CLDN14: variants seen among roughly 807,000 people sequenced by gnomAD.
The protein encoded by CLDN14 is claudin 14.
Under a neutral mutation model 2.1 loss-of-function variants are expected in CLDN14, and 2 were observed. The observed-to-expected ratio is 0.96, with a 90% CI of 0.39 to 3.01. The LOEUF (loss-of-function observed/expected upper bound fraction) is 3.01. CLDN14 is among the 30% of genes most tolerant of loss of function. The probability of loss-of-function intolerance (pLI) is 0.09; values close to 1 mark genes in which losing one functional copy is unlikely to be tolerated. For missense variants in CLDN14, 298 were observed against 328.0 expected, an observed-to-expected ratio of 0.91 and a Z score of 0.71; for synonymous variants, 136 against 154.4, an observed-to-expected ratio of 0.88 and a Z score of 0.88.
At chr21:36,476,970 G>C (rs1204789474) in intron 1 of CLDN14, among the ~76,000 whole-genome samples, 1 of 152,246 alleles carries the variant, frequency 6.6e-6, no homozygotes, top group African/African-American at 2.4e-5. Flanking sequence ...GTGTGGCTTA[G>C]CCTTTAGACA....
At position 36,498,538 on chromosome 21, in the gene CLDN14, T is replaced by C. The variant is rs1601612585; in HGVS notation, c.-82+11825A>G. On this transcript the variant is annotated intron_variant, in intron 2 of 2. Coordinates refer to the CLDN14 transcript ENST00000342108. The surrounding 1 kb of genome is among the most constrained non-coding windows in gnomAD (Gnocchi z 4.9). Reference sequence around the variant, plus strand: ...GATTTCCAGTCTCAGATTGGATACATGCACTTAATATCAGCAGACTTGTTG... The same window carrying C: ...GATTTCCAGTCTCAGATTGGATACACGCACTTAATATCAGCAGACTTGTTG... 6.6e-6 allele frequency among the ~76,000 whole-genome samples: 1 copy of C among 152,294 alleles called. No individual in the cohort carries two copies. Among genetic ancestry groups the C allele is most frequent in the Middle Eastern group, 3.4e-3 (1 of 294 alleles).
At chr21:36,504,975 G>T (rs1030773746) in intron 2 of CLDN14, among the ~76,000 whole-genome samples, 1 of 152,110 alleles carries the variant, frequency 6.6e-6, no homozygotes, top group African/African-American at 2.4e-5. Flanking sequence ...ATTGACCCAG[G>T]CCCTCCCTGA....
intron 1 of CLDN14, chr21:36,466,476 G>A (rs1206815063): frequency 7.2e-5 from 11 of 152,188 alleles, no homozygotes; most frequent in African/African-American, 2.2e-4. Flanking sequence ...GGGCTGAGCC[G>A]AGGGTGAGGC....
intron 1 of CLDN14, among the ~76,000 whole-genome samples, chr21:36,465,537 C>T (rs558586309): frequency 3.2e-4 from 49 of 152,342 alleles, no homozygotes; most frequent in African/African-American, 1.1e-3. Context: ...TCAACTTCCC[C>T]GCAACTACTT....
chr21:36,536,360 C>T (rs1463263257), intron 1 of CLDN14, among the ~76,000 whole-genome samples: 1 of 152,222 alleles, frequency 6.6e-6, no homozygotes, highest in African/African-American at 2.4e-5. Flanking sequence ...CAAGTTACCT[C>T]GACTGAACTC....
At chr21:36,510,770 G>T (rs1216615005) in intron 1 of CLDN14, among the ~76,000 whole-genome samples, 1 of 152,232 alleles carries the variant, frequency 6.6e-6, no homozygotes, top group Non-Finnish European at 1.5e-5. Flanking sequence ...GAATCCCAAG[G>T]TCTGCAGCCA....
At chr21:36,518,392 G>A (rs1404652224) in intron 1 of CLDN14, among the ~76,000 whole-genome samples, 4 of 152,172 alleles carry the variant, frequency 2.6e-5, no homozygotes, top group Non-Finnish European at 5.9e-5. Flanking sequence ...CCTGAGGTCA[G>A]GAGTTTAAGA....
At chr21:36,489,131 A>AAAAAAAATATATATATATATAT in intron 2 of CLDN14, among the ~76,000 whole-genome samples, 1 of 62,738 alleles carries the variant, frequency 1.6e-5, no homozygotes, top group Non-Finnish European at 3.0e-5. Flanking sequence ...AAAAAAAAAA[A>AAAAAAAATATATATATATATAT]ATATATATAT....
chr21:36,527,427 C>A (rs2087342047), intron 1 of CLDN14, among the ~76,000 whole-genome samples: 2 of 152,210 alleles, frequency 1.3e-5, no homozygotes, highest in South Asian at 4.1e-4. Context: ...TCCTTCCATG[C>A]ATGAACTGAA....
chr21:36,540,909 A>G (rs1448585586), intron 1 of CLDN14, among the ~76,000 whole-genome samples: 1 of 152,220 alleles, frequency 6.6e-6, no homozygotes, highest in Admixed American at 6.5e-5. Context: ...GGTGGGCAAG[A>G]GTAGAAGGTA....
intron 2 of CLDN14, among the ~76,000 whole-genome samples, chr21:36,500,006 G>A (rs1248659832): frequency 8.1e-6 from 1 of 123,212 alleles, no homozygotes. Context: ...TGAAGAATTA[G>A]AGCATGTTGT....
chr21:36,556,987 C>T (rs1568880902), intron 1 of CLDN14, among the ~76,000 whole-genome samples: 2 of 152,210 alleles, frequency 1.3e-5, no homozygotes, highest in Admixed American at 6.5e-5. Flanking sequence ...ACCATCTACT[C>T]TCTGCTTCTG....
intron 1 of CLDN14, among the ~76,000 whole-genome samples, chr21:36,543,580 G>A (rs1014248836): frequency 1.3e-4 from 20 of 152,144 alleles, no homozygotes; most frequent in African/African-American, 4.8e-4. Flanking sequence ...ACTATAATAA[G>A]TGCTTTAGCA....
chr21:36,553,140 A>G (rs1041960522), intron 1 of CLDN14, among the ~76,000 whole-genome samples: 1 of 152,206 alleles, frequency 6.6e-6, no homozygotes, highest in African/African-American at 2.4e-5. Context: ...TTGAGCTAGG[A>G]CCAAGGCATT....
chr21:36,525,487 A>G (rs1025986179), intron 1 of CLDN14, among the ~76,000 whole-genome samples: 7 of 152,082 alleles, frequency 4.6e-5, no homozygotes, highest in Non-Finnish European at 1.0e-4. Context: ...GGGGATGATG[A>G]TGGGGGTTGG....
rs922801470 is a variant in CLDN14, at chr21:36,461,446, T to C, written c.250A>G (p.Met84Val). Reference sequence around the variant, plus strand: ...CCCGAGAGCAGGCAGGAGATGACCATGAGGGCGCGGGCAGCCTGGAGGTCT... The same window carrying C: ...CCCGAGAGCAGGCAGGAGATGACCACGAGGGCGCGGGCAGCCTGGAGGTCT... Reference protein sequence around the residue: ...PQDLQAARALMVISCLLSGIA... With the variant: ...PQDLQAARALVVISCLLSGIA... Residue 84 changes from methionine to valine, a missense_variant, in exon 2 of 2, where the codon ATG (methionine) becomes GTG (valine). Met to Val is a conservative substitution (Grantham distance 21). Coordinates refer to ENST00000399135, the MANE Select transcript of CLDN14 (RefSeq NM_001146079.2). 1 of 1,613,300 alleles carries C rather than the reference T, an allele frequency of 6.2e-7. No homozygotes were observed. The highest frequency in any genetic ancestry group is 8.5e-7 in the Non-Finnish European group (1 of 1,179,980).
chr21:36,570,099 A>G (rs1207938388), intron 1 of CLDN14, among the ~76,000 whole-genome samples: 1 of 152,098 alleles, frequency 6.6e-6, no homozygotes, highest in Admixed American at 6.6e-5. Flanking sequence ...AGGTGGGACA[A>G]CTCCGGGGAT....
chr21:36,535,104 T>C (rs968877141), intron 1 of CLDN14, among the ~76,000 whole-genome samples: 2 of 152,182 alleles, frequency 1.3e-5, no homozygotes, highest in Non-Finnish European at 1.5e-5. Flanking sequence ...TAAAAATGCT[T>C]TGTGGGCTGG....
intron 2 of CLDN14, among the ~76,000 whole-genome samples, chr21:36,500,985 C>T (rs931427007): frequency 1.3e-5 from 2 of 152,206 alleles, no homozygotes; most frequent in African/African-American, 2.4e-5. Flanking sequence ...AAAGCAAACT[C>T]GGAGAGCTTA....
Sources: gnomAD v4.1 joint callset for allele counts (sites outside exome capture counted in the v4.1 genomes callset) on GRCh38, gnomAD v4.1.1 for gene constraint, Gnocchi (gnomAD v3.1) non-coding constraint, MANE v1.5 for transcripts, NCBI Gene and HGNC (gene_info 2026-07-23, HGNC 2026-07-21) for gene names.